ABCB11: variants seen among roughly 807,000 people sequenced by gnomAD.
The protein encoded by ABCB11 is ATP binding cassette subfamily B member 11, also known as bile salt export pump.
A neutral mutation model predicts 148.0 loss-of-function variants in ABCB11; 95 were observed. The observed-to-expected ratio is 0.64, with a 90% CI of 0.54 to 0.76. The LOEUF (loss-of-function observed/expected upper bound fraction) is 0.76, where lower values mean the gene tolerates loss of function less well. Ranked by LOEUF, ABCB11 falls within the 30% of genes least tolerant of loss-of-function variation. The pLI, the probability that ABCB11 is intolerant of heterozygous loss-of-function variation, is 0.00. For missense variants in ABCB11, 1,523 were observed against 1,617.8 expected (o/e 0.94, Z 1.01); for synonymous variants, 591 against 555.4 (o/e 1.06, Z -0.90).
At chr2:169,022,384 G>C (rs2106067896) in intron 1 of ABCB11, among the ~76,000 whole-genome samples, 1 of 151,958 alleles carries the variant, frequency 6.6e-6, no homozygotes, top group South Asian at 2.1e-4. Flanking sequence ...AATGGGAAAG[G>C]TAAAATAAAT....
At chr2:168,916,630 G>T (rs981746960), downstream of ABCB11, among the ~76,000 whole-genome samples, 1 of 152,148 alleles carries the variant, frequency 6.6e-6, no homozygotes, top group Admixed American at 6.6e-5. Context: ...ATTGGAAATG[G>T]GTTTAGAGGT....
In ABCB11 at chr2:168,922,957, C is replaced by T. The variant is rs1280920621; in HGVS notation, c.*665G>A. ...TAATGGTAGCATCACCACCCCTACA[C>T]TCACTCTGAAGTTAAAGCATAAATC... On this transcript the variant is annotated 3_prime_UTR_variant, in exon 28 of 28. Coordinates refer to ENST00000650372, the MANE Select transcript of ABCB11 (RefSeq NM_003742.4). The T allele has an allele frequency of 6.5e-6, 1 of 153,022 alleles. No individual in the cohort carries two copies. The highest frequency in any genetic ancestry group is 1.5e-5 in the Non-Finnish European group (1 of 68,716). The allele number at this position is 153,022 out of a possible 1,614,324, so 9.5% of individuals were successfully genotyped here.
rs886043874 is a variant in ABCB11, at chr2:168,971,912, T to C, written c.1573A>G (p.Met525Val). ...NIRYGREDAT[M>V]EDIVQAAKEA... Reference sequence around the variant, plus strand: ...TTGGCAGCTTGGACTATGTCTTCCATTGTTGCATCTTCTCTGCCATAGCGA... The same window carrying C: ...TTGGCAGCTTGGACTATGTCTTCCACTGTTGCATCTTCTCTGCCATAGCGA... The change falls in exon 14 of 28, where the codon ATG becomes GTG. Residue 525 changes from methionine (M) to valine (V), a missense_variant. Transcript: ENST00000650372. 6 of 1,613,036 alleles carry C rather than the reference T, an allele frequency of 3.7e-6. No homozygotes were observed. Among genetic ancestry groups the C allele is most frequent in the Non-Finnish European group, 5.1e-6 (6 of 1,179,412 alleles).
In ABCB11 at chr2:168,932,522, G is replaced by T. The variant is rs763634627; in HGVS notation, c.3068C>A (p.Ala1023Glu). 1 of 1,613,454 alleles carries T rather than the reference G, an allele frequency of 6.2e-7. No homozygotes were observed. The highest frequency in any genetic ancestry group is 8.5e-7 in the Non-Finnish European group (1 of 1,179,686). ...AAGAGCTGTTGCACTCAGTACAACT[G>T]CAGAGATCACCCTGTAACCAGACAG... The part of the protein sequence containing the change: ...HFSYVFRVIS[A>E]VVLSATALGR... The change falls in exon 24 of 28, where the codon GCA becomes GAA. Residue 1023 changes from alanine (A) to glutamate (E), a missense_variant. By Grantham distance (107) the Ala-to-Glu change is moderately radical (BLOSUM62 -1). Coordinates refer to ENST00000650372, the MANE Select transcript of ABCB11 (RefSeq NM_003742.4).
chr2:168,952,299 G>A (rs986572781), intron 19 of ABCB11, among the ~76,000 whole-genome samples: 1 of 151,446 alleles, frequency 6.6e-6, no homozygotes. Context: ...AGGAGGATTG[G>A]TATTAGCTCT....
At chr2:168,980,164 G>A (rs1449037357) in intron 10 of ABCB11, among the ~76,000 whole-genome samples, 185 bp from the exon 11 acceptor site, 2 of 148,796 alleles carry the variant, frequency 1.3e-5, no homozygotes, top group Non-Finnish European at 3.0e-5. Context: ...GCATCTCCAA[G>A]TTTTCCACTG....
chr2:168,956,345 G>A lies in ABCB11; in HGVS notation c.2343+1619C>T, dbSNP rs112430691. The stretch of plus-strand genomic sequence containing the variant: ...ACACAAAGCCACACCATTATTGGTT[G>A]CTGGACACTTGTTGTGGTCCTTTGG... On this transcript the variant is annotated intron_variant, in intron 19 of 27. Coordinates refer to ENST00000650372, the MANE Select transcript of ABCB11 (RefSeq NM_003742.4). Among the ~76,000 whole-genome samples, 20 of 151,846 alleles carry A rather than the reference G, an allele frequency of 1.3e-4. No individual in the cohort carries two copies. The highest frequency in any genetic ancestry group is 1.6e-4 in the Non-Finnish European group (11 of 67,758).
chr2:169,007,522 T>C (rs1428814634), intron 5 of ABCB11, among the ~76,000 whole-genome samples: 1 of 152,198 alleles, frequency 6.6e-6, no homozygotes, highest in Non-Finnish European at 1.5e-5. Context: ...TTAGGAAATT[T>C]ACACTCATAC....
chr2:168,927,944 T>A (rs1042424612), intron 25 of ABCB11, among the ~76,000 whole-genome samples: 1 of 152,196 alleles, frequency 6.6e-6, no homozygotes. Context: ...GAAAATATAA[T>A]CTCTGTTTCC....
intron 5 of ABCB11, among the ~76,000 whole-genome samples, chr2:169,010,720 G>C (rs6751775): frequency 6.6e-6 from 1 of 152,036 alleles, no homozygotes; most frequent in South Asian, 2.1e-4. Flanking sequence ...TCATAAGATC[G>C]CGGTGATCTT....
rs1318684354 is a variant in ABCB11, at chr2:168,921,186, C to T, written c.*2436G>A. Among the ~76,000 whole-genome samples, 1 of 152,212 alleles carries T rather than the reference C, an allele frequency of 6.6e-6. No individual in the cohort carries two copies. The highest frequency in any genetic ancestry group is 1.5e-5 in the Non-Finnish European group (1 of 68,042). ...CCAGAATGCATTCCTTCACCGTCTGCCTCCTGACTTGGCAACCATCAAGAA... is the reference window on the plus strand; with the variant it reads ...CCAGAATGCATTCCTTCACCGTCTGTCTCCTGACTTGGCAACCATCAAGAA... On this transcript the variant is annotated 3_prime_UTR_variant, in exon 28 of 28. Coordinates refer to ENST00000650372, the MANE Select transcript of ABCB11 (RefSeq NM_003742.4).
chr2:169,004,073 A>T (rs1694954399), intron 5 of ABCB11, among the ~76,000 whole-genome samples: 1 of 152,148 alleles, frequency 6.6e-6, no homozygotes, highest in African/African-American at 2.4e-5. Context: ...TTTGCCTCAC[A>T]GCTCTTAAGA....
intron 5 of ABCB11, among the ~76,000 whole-genome samples, chr2:169,009,943 C>T (rs916330654): frequency 2.0e-5 from 3 of 152,056 alleles, no homozygotes; most frequent in Admixed American, 6.6e-5. Flanking sequence ...ATATATATTG[C>T]TAAGAACATA....
chr2:168,936,549 A>C, intron 21 of ABCB11, 116 bp from the exon 22 acceptor site: 1 of 891,904 alleles, frequency 1.1e-6, no homozygotes, highest in Non-Finnish European at 1.7e-6. Context: ...ATAACAATAT[A>C]TATCATTTTA....
intron 17 of ABCB11, among the ~76,000 whole-genome samples, chr2:168,966,392 C>T (rs1387169263): frequency 1.3e-5 from 2 of 151,826 alleles, no homozygotes; most frequent in African/African-American, 4.8e-5. Flanking sequence ...TCTCTTTCAC[C>T]ATTCTCCAGA....
At chr2:169,010,204 T>C (rs936160424) in intron 5 of ABCB11, among the ~76,000 whole-genome samples, 1 of 152,194 alleles carries the variant, frequency 6.6e-6, no homozygotes, top group Non-Finnish European at 1.5e-5. Flanking sequence ...CACGAGACTT[T>C]GTGGCTTCCA....
chr2:169,028,012 C>T (rs541104045), intron 1 of ABCB11, among the ~76,000 whole-genome samples: 2 of 152,216 alleles, frequency 1.3e-5, no homozygotes, highest in African/African-American at 2.4e-5. Context: ...TTTATGGGAA[C>T]ACAGTCATAC....
At chr2:168,925,566 A>G (rs926170420) in intron 26 of ABCB11, among the ~76,000 whole-genome samples, 1 of 152,222 alleles carries the variant, frequency 6.6e-6, no homozygotes, top group African/African-American at 2.4e-5. Flanking sequence ...AGGTAAGAAA[A>G]TGGTGCGAGG....
At chr2:169,003,030 T>C (rs1694919818) in intron 5 of ABCB11, among the ~76,000 whole-genome samples, 1 of 151,994 alleles carries the variant, frequency 6.6e-6, no homozygotes. Context: ...TTGATGGTGA[T>C]TTCTGAGATT....
Sources: allele counts gnomAD v4.1 joint callset (sites outside exome capture counted in the v4.1 genomes callset), GRCh38; gene constraint gnomAD v4.1.1; transcripts MANE v1.5; gene names NCBI Gene and HGNC (gene_info 2026-07-23, HGNC 2026-07-21).